THRAP3: variants seen among roughly 807,000 people sequenced by gnomAD.
THRAP3 encodes thyroid hormone receptor associated protein 3, also known as thyroid hormone receptor-associated protein 3.
In THRAP3, 16 loss-of-function variants were observed where a neutral mutation model predicts 101.0. The ratio of observed to expected loss-of-function variants is 0.16; its 90% CI spans 0.11 to 0.24. THRAP3 has a LOEUF of 0.24. Among genes scored for constraint, THRAP3 ranks in the 10% least tolerant of loss-of-function variants. THRAP3 has a pLI of 1.00. For synonymous variants in THRAP3, 407 were observed against 422.6 expected, an observed-to-expected ratio of 0.96 and a Z score of 0.45; for missense variants, 989 against 1,202.7, an observed-to-expected ratio of 0.82 and a Z score of 2.63.
chr1:36,226,440 A>G (rs1213656203), intron 1 of THRAP3, among the ~76,000 whole-genome samples: 1 of 152,030 alleles, frequency 6.6e-6, no homozygotes, highest in East Asian at 1.9e-4. Flanking sequence ...TTGTATTTGT[A>G]GTAGAGACGG....
intron 1 of THRAP3, among the ~76,000 whole-genome samples, chr1:36,247,348 G>A (rs1224260881): frequency 1.3e-5 from 2 of 150,532 alleles, no homozygotes; most frequent in Non-Finnish European, 3.0e-5. Context: ...TTTTTGAGTT[G>A]GAGTCTAGCT....
intron 5 of THRAP3, among the ~76,000 whole-genome samples, chr1:36,290,979 T>TATTG (rs972157395): frequency 2.0e-5 from 3 of 152,250 alleles, no homozygotes; most frequent in East Asian, 1.9e-4. Flanking sequence ...CTGATCTTTT[T>TATTG]ATTGATTGAT....
intron 2 of THRAP3, among the ~76,000 whole-genome samples, chr1:36,266,449 C>CA (rs575829526): frequency 1.0e-3 from 154 of 152,314 alleles, no homozygotes; most frequent in Admixed American, 1.6e-3. Context: ...ATACATTTCT[C>CA]ATTGAATTTT....
chr1:36,300,016 T>C (rs1024586469), intron 9 of THRAP3, among the ~76,000 whole-genome samples: 2 of 152,168 alleles, frequency 1.3e-5, no homozygotes, highest in African/African-American at 4.8e-5. Flanking sequence ...TTTGGCTGGC[T>C]CTGCTACTCC....
At chr1:36,226,431 TG>T (rs1215489299) in intron 1 of THRAP3, among the ~76,000 whole-genome samples, 1 of 152,174 alleles carries the variant, frequency 6.6e-6, no homozygotes, top group African/African-American at 2.4e-5. Flanking sequence ...GGCTCATTTT[TG>T]TATTTGTAGT....
Position 36,304,174 on chromosome 1 carries a change from G to A in THRAP3, c.*157G>A, listed in dbSNP as rs960330903. 8 of 1,192,440 alleles carry A rather than the reference G, an allele frequency of 6.7e-6. No homozygotes were observed. The highest frequency in any genetic ancestry group is 2.8e-5 in the East Asian group (1 of 35,680). 73.9% of individuals were successfully genotyped at this position (1,192,440 alleles called of 1,614,324 possible). A position where few individuals can be genotyped will look rare whatever the true frequency, so the allele number is the denominator to read the frequency against. ...TACTACCGCGAGAGGCATCCCTGGCGCTGTCTCCCACTGGACAGAGGAGGC... is the reference window on the plus strand; with the variant it reads ...TACTACCGCGAGAGGCATCCCTGGCACTGTCTCCCACTGGACAGAGGAGGC... On this transcript the variant is annotated 3_prime_UTR_variant, in exon 12 of 12. Coordinates refer to ENST00000354618, the MANE Select transcript of THRAP3 (RefSeq NM_005119.4).
intron 7 of THRAP3, among the ~76,000 whole-genome samples, chr1:36,293,143 C>T (rs1645899814): frequency 7.1e-6 from 1 of 140,566 alleles, no homozygotes; most frequent in Non-Finnish European, 1.5e-5. Flanking sequence ...ATTCTCATGC[C>T]TTAGCCTCCC....
Position 36,291,370 on chromosome 1 carries a change from T to G in THRAP3, c.1746-4T>G. On this transcript the variant is annotated splice_region_variant and splice_polypyrimidine_tract_variant and intron_variant, in intron 5 of 11. Transcript: ENST00000354618. ...AATTGGGCCTCCCCATATTTCTTTT[T>G]CAGACCCAGTGGCTTATTGGCTCAG... 4 of 1,612,856 alleles carry G rather than the reference T, an allele frequency of 2.5e-6. No individual in the cohort carries two copies. The highest frequency in any genetic ancestry group is 3.4e-6 in the Non-Finnish European group (4 of 1,179,656).
chr1:36,295,395 G>A (rs898810666), intron 8 of THRAP3, among the ~76,000 whole-genome samples: 13 of 152,024 alleles, frequency 8.6e-5, no homozygotes, highest in African/African-American at 3.1e-4. Context: ...CCTAGTGTGG[G>A]ATGTCCCGGA....
At chr1:36,280,387 G>C (rs1234765635) in intron 2 of THRAP3, among the ~76,000 whole-genome samples, 4 of 152,170 alleles carry the variant, frequency 2.6e-5, no homozygotes, top group African/African-American at 9.7e-5. Flanking sequence ...AAGTAAACAA[G>C]ATAGTTTCAC....
Position 36,270,571 on chromosome 1 carries a change from G to GGTTTTTTTTTTTTTTTTTTTTTTT in THRAP3, c.-32+11087_-32+11088insGTTTTTTTTTTTTTTTTTTTTTTT. ...TAAAAATACAGTTCTATTTGTTTAG[G>GGTTTTTTTTTTTTTTTTTTTTTTT]TTTTTGTTTTTTTTTTTTTTTTTGA... On this transcript the variant is annotated intron_variant, in intron 2 of 11. Transcript: ENST00000354618. Among the ~76,000 whole-genome samples, 166 of 31,860 alleles carry GGTTTTTTTTTTTTTTTTTTTTTTT rather than the reference G, an allele frequency of 5.2e-3. 10 individuals are homozygous for GGTTTTTTTTTTTTTTTTTTTTTTT. Among genetic ancestry groups the GGTTTTTTTTTTTTTTTTTTTTTTT allele is most frequent in the African/African-American group, 0.011 (159 of 14,166 alleles). The allele number at this position is 31,860 out of a possible 152,430, so 20.9% of individuals were successfully genotyped here. A position where few individuals can be genotyped will look rare whatever the true frequency, so the allele number is the denominator to read the frequency against.
chr1:36,277,885 A>G (rs1463563666), intron 2 of THRAP3, among the ~76,000 whole-genome samples: 1 of 151,738 alleles, frequency 6.6e-6, no homozygotes. Flanking sequence ...TCAGCCTCCC[A>G]AGTAGCTGGG....
rs1193987021 is a variant in THRAP3, at chr1:36,282,674, C to G, written c.111C>G (p.Leu37=). 4 of 1,614,052 alleles carry G rather than the reference C, an allele frequency of 2.5e-6. No individual in the cohort carries two copies. In the African/African-American group the frequency reaches 4.0e-5, roughly 16 times the overall value. Residue 37 remains leucine, a synonymous_variant, in exon 3 of 12, where the codon CTC becomes CTG. Transcript: ENST00000354618. ...FSKSRSRSRS[L]SRSRKRRLSS... ...AGTCTCGGTCCCGAAGCCGATCTCT[C>G]TCTCGTTCAAGGAAGCGCAGGCTGA...
intron 1 of THRAP3, among the ~76,000 whole-genome samples, chr1:36,232,378 C>G (rs1237479517): frequency 6.6e-6 from 1 of 152,130 alleles, no homozygotes; most frequent in Non-Finnish European, 1.5e-5. Context: ...TCTTTGTACA[C>G]ATGTATCTAT....
At chr1:36,301,732 G>A (rs1646033288) in intron 11 of THRAP3, 36 bp downstream of exon 11, 1 of 1,587,274 alleles carries the variant, frequency 6.3e-7, no homozygotes, top group Non-Finnish European at 8.6e-7. Context: ...GGGTTAGAGG[G>A]CCTTTGACAC....
At chr1:36,234,960 T>G (rs1487896008) in intron 1 of THRAP3, among the ~76,000 whole-genome samples, 1 of 152,026 alleles carries the variant, frequency 6.6e-6, no homozygotes, top group Non-Finnish European at 1.5e-5. Flanking sequence ...ATTACAGGCA[T>G]CCACTACCGC....
At chr1:36,246,464 C>T (rs948802710) in intron 1 of THRAP3, among the ~76,000 whole-genome samples, 39 of 151,854 alleles carry the variant, frequency 2.6e-4, no homozygotes, top group African/African-American at 9.4e-4. Context: ...AACTCCTGAT[C>T]TCAAGTTATC....
rs151166883 is a variant in THRAP3, at chr1:36,235,653, C to T, written c.-135+11148C>T. Among the ~76,000 whole-genome samples the T allele has an allele frequency of 2.2e-3, 330 of 152,122 alleles. 2 individuals carry two copies. Among genetic ancestry groups the T allele is most frequent in the African/African-American group, 6.8e-3 (284 of 41,496 alleles). ...GGTTTGGGGAAATTCTCAAACACTG[C>T]TGGTAGCAGTATAAATTGCTGTAGA... On this transcript the variant is annotated intron_variant, in intron 1 of 11. Transcript: ENST00000354618.
chr1:36,282,445 T>G, intron 2 of THRAP3, 88 bp from the exon 3 acceptor site: 1 of 1,040,944 alleles, frequency 9.6e-7, no homozygotes, highest in Non-Finnish European at 1.4e-6. Flanking sequence ...TTGCCCAGAT[T>G]AAAAGAAATG....
Sources: gnomAD v4.1 joint callset for allele counts (sites outside exome capture counted in the v4.1 genomes callset) on GRCh38, gnomAD v4.1.1 for gene constraint, MANE v1.5 for transcripts, NCBI Gene and HGNC (gene_info 2026-07-23, HGNC 2026-07-21) for gene names.